BUB1: variants seen among roughly 807,000 people sequenced by gnomAD.
The protein encoded by BUB1 is BUB1 mitotic checkpoint serine/threonine kinase.
In BUB1, 84 loss-of-function variants were observed where a neutral mutation model predicts 135.2. That is an observed-to-expected ratio of 0.62 (90% CI 0.52 to 0.74). BUB1 has a LOEUF of 0.74. Among genes scored for constraint, BUB1 ranks in the 30% least tolerant of loss-of-function variants. The pLI, the probability that BUB1 is intolerant of heterozygous loss-of-function variation, is 0.00. For synonymous variants in BUB1, 403 were observed against 434.4 expected (o/e 0.93, Z 0.90); for missense variants, 1,162 against 1,288.3 (o/e 0.90, Z 1.50).
chr2:110,658,704 G>A lies in BUB1; in HGVS notation c.1315C>T (p.His439Tyr). The change falls in exon 12 of 25, where the codon CAC (histidine) becomes TAC (tyrosine). Residue 439 changes from histidine (H) to tyrosine (Y), a missense_variant. Coordinates refer to ENST00000302759, the MANE Select transcript of BUB1 (RefSeq NM_004336.5). Reference protein sequence around the residue: ...THKVANTSSFHTTPNTSLGMV... With the variant: ...THKVANTSSFYTTPNTSLGMV... The stretch of plus-strand genomic sequence containing the variant: ...CCCAGTGATGTGTTTGGAGTTGTGT[G>A]AAAAGAACTTGTGTTGGCAACCTTA... 1 of 1,614,182 alleles carries A rather than the reference G, an allele frequency of 6.2e-7. No homozygotes were observed. The highest frequency in any genetic ancestry group is 8.5e-7 in the Non-Finnish European group (1 of 1,180,024).
intron 1 of BUB1, chr2:110,676,754 G>T (rs949799493): frequency 6.6e-6 from 1 of 151,976 alleles, no homozygotes; most frequent in African/African-American, 2.4e-5. Flanking sequence ...GTATACAAAC[G>T]TGCAGACATT....
chr2:110,670,097 C>A (rs1469492074), intron 5 of BUB1, among the ~76,000 whole-genome samples: 1 of 141,850 alleles, frequency 7.0e-6, no homozygotes, highest in Non-Finnish European at 1.5e-5. Context: ...CCTGAGAGTG[C>A]AATTTGGTTT....
At position 110,672,776 on chromosome 2, in the gene BUB1, T is replaced by C. The variant is rs376910351; in HGVS notation, c.307A>G (p.Ile103Val). The C allele has an allele frequency of 5.3e-5, 85 of 1,614,106 alleles. No individual in the cohort carries two copies. Among genetic ancestry groups the C allele is most frequent in the South Asian group, 3.6e-4 (33 of 91,060 alleles). Residue 103 changes from isoleucine (I) to valine (V), a missense_variant, in exon 4 of 25, where the codon ATT (isoleucine) becomes GTT (valine). By Grantham distance (29) the Ile-to-Val change is conservative (BLOSUM62 3). Transcript: ENST00000302759. Reference sequence around the variant, plus strand: ...GCTTCCAGATGCCCCGCCCAGGCAATGTACAGAGGGGATGACAGGGTTCCA... The same window carrying C: ...GCTTCCAGATGCCCCGCCCAGGCAACGTACAGAGGGGATGACAGGGTTCCA... ...GIGTLSSPLY[I>V]AWAGHLEAQG...
chr2:110,643,619 T>C (rs1176180468), intron 19 of BUB1, among the ~76,000 whole-genome samples: 3 of 152,150 alleles, frequency 2.0e-5, no homozygotes, highest in African/African-American at 7.2e-5. Flanking sequence ...GCAGAGATTT[T>C]AGAATTATCA....
intron 5 of BUB1, among the ~76,000 whole-genome samples, chr2:110,670,138 T>G (rs1052692818): frequency 1.0e-4 from 15 of 142,940 alleles, no homozygotes; most frequent in African/African-American, 3.4e-4. Context: ...TTTTTTTTTT[T>G]TTTTTTTTTT....
Position 110,664,997 on chromosome 2 carries a change from T to C in BUB1, c.957+1266A>G, listed in dbSNP as rs139500029. ...ATGTGAGTGCACAGTCCGAAGTTTA[T>C]AGAGGGCAGACTGACAGCATTTTAG... On this transcript the variant is annotated intron_variant, in intron 9 of 24. Transcript: ENST00000302759. 1.0e-3 allele frequency among the ~76,000 whole-genome samples: 159 copies of C among 152,268 alleles called. 2 individuals are homozygous for C. Among genetic ancestry groups the C allele is most frequent in the Middle Eastern group, 3.4e-3 (1 of 294 alleles).
chr2:110,638,273 C>G (rs1217992191), intron 24 of BUB1, 114 bp from the exon 25 acceptor site: 2 of 698,262 alleles, frequency 2.9e-6, no homozygotes, highest in East Asian at 5.8e-5. Context: ...ACAACTCTCA[C>G]CTAAACACAA....
In BUB1 at chr2:110,667,546, A is replaced by T. The variant is rs747687467; in HGVS notation, c.780T>A (p.Asn260Lys). The T allele has an allele frequency of 6.2e-7, 1 of 1,613,294 alleles. No individual in the cohort carries two copies. Among genetic ancestry groups the T allele is most frequent in the East Asian group, 2.2e-5 (1 of 44,850 alleles). The change falls in exon 8 of 25, where the codon AAT becomes AAA. Residue 260 changes from asparagine to lysine, a missense_variant. Physicochemically the swap from Asn to Lys is moderately conservative, Grantham distance 94. Coordinates refer to ENST00000302759, the MANE Select transcript of BUB1 (RefSeq NM_004336.5). ...SFEELRAQKYNQRRKHEQWVN... is the reference protein window; with the variant it reads ...SFEELRAQKYKQRRKHEQWVN... ...CCCATTGCTCATGCTTTCTCCGTTG[A>T]TTGTATTTCTGGGCTCTCAATTCTT...
intron 14 of BUB1, 110 bp from the exon 15 acceptor site, chr2:110,657,227 TTA>T (rs1167438915): frequency 2.4e-6 from 2 of 831,672 alleles, no homozygotes. Flanking sequence ...GAGTTAATCT[TTA>T]TATAGATATT....
In BUB1 at chr2:110,650,566, A is replaced by G. The variant is rs768662095; in HGVS notation, c.2183T>C (p.Leu728Pro). The G allele has an allele frequency of 3.1e-6, 5 of 1,613,772 alleles. No homozygotes were observed. Among genetic ancestry groups the G allele is most frequent in the South Asian group, 2.2e-5 (2 of 91,066 alleles). ...CGTACTTGGAGCATCAACAGTCCCA[A>G]GTGAACTCATCTGCATCCATTCTGC... ...LQAEWMQMSS[L>P]GTVDAPNFIV... is the part of the protein sequence containing the mutation. The change falls in exon 18 of 25, where the codon CTT (leucine) becomes CCT (proline). Residue 728 changes from leucine (L) to proline (P), a missense_variant. Physicochemically the swap from Leu to Pro is moderately conservative, Grantham distance 98. Transcript: ENST00000302759.
chr2:110,650,413 A>G, intron 18 of BUB1, 133 bp downstream of exon 18: 3 of 754,938 alleles, frequency 4.0e-6, no homozygotes, highest in East Asian at 2.6e-5. Context: ...GCATTATGCA[A>G]GTTTCATCTG....
chr2:110,645,449 A>G (rs1305313419), intron 19 of BUB1, among the ~76,000 whole-genome samples: 1 of 152,072 alleles, frequency 6.6e-6, no homozygotes, highest in Non-Finnish European at 1.5e-5. Flanking sequence ...CTCAAAAAAA[A>G]AAAAAAGTAA....
At chr2:110,666,237 G>A (rs768326646) in intron 9 of BUB1, 26 bp downstream of exon 9, 1 of 1,327,996 alleles carries the variant, frequency 7.5e-7, no homozygotes, top group East Asian at 2.8e-5. Flanking sequence ...CTGGGCACAG[G>A]ATGTGTCATG....
intron 19 of BUB1, among the ~76,000 whole-genome samples, chr2:110,644,865 T>G (rs1481763872): frequency 6.6e-6 from 1 of 152,144 alleles, no homozygotes; most frequent in Non-Finnish European, 1.5e-5. Flanking sequence ...CAAAAAAGAT[T>G]AGTTGTGATG....
At chr2:110,647,526 G>T (rs561528001) in intron 19 of BUB1, among the ~76,000 whole-genome samples, 1 of 151,434 alleles carries the variant, frequency 6.6e-6, no homozygotes, top group Admixed American at 6.6e-5. Flanking sequence ...AAAGGAGCAC[G>T]ATAAATAAAA....
chr2:110,647,138 T>C (rs947584228), intron 19 of BUB1, among the ~76,000 whole-genome samples: 2 of 152,066 alleles, frequency 1.3e-5, no homozygotes, highest in Non-Finnish European at 1.5e-5. Flanking sequence ...TTCTCAACAA[T>C]CTCTCGCAGA....
chr2:110,644,739 AAG>A (rs1689600159), intron 19 of BUB1, among the ~76,000 whole-genome samples: 1 of 152,188 alleles, frequency 6.6e-6, no homozygotes, highest in Admixed American at 6.5e-5. Context: ...TGCAAGCAAG[AAG>A]AGAGTGGAGT....
chr2:110,666,352 T>C lies in BUB1; in HGVS notation c.868A>G (p.Lys290Glu). The change falls in exon 9 of 25, where the codon AAA (lysine) becomes GAA (glutamate). Residue 290 changes from lysine (K) to glutamate (E), a missense_variant. Physicochemically the swap from Lys to Glu is moderately conservative, Grantham distance 56 (BLOSUM62 1). Coordinates refer to ENST00000302759, the MANE Select transcript of BUB1 (RefSeq NM_004336.5). ...TTATGAAGTTCATCCATTTTCTGTTTTAATAGCTGTTCTTCAAAAGCATTT... is the reference window on the plus strand; with the variant it reads ...TTATGAAGTTCATCCATTTTCTGTTCTAATAGCTGTTCTTCAAAAGCATTT... ...EANAFEEQLL[K>E]QKMDELHKKL... is the part of the protein sequence containing the mutation. 1 of 1,541,698 alleles carries C rather than the reference T, an allele frequency of 6.5e-7. No individual in the cohort carries two copies. Among genetic ancestry groups the C allele is most frequent in the South Asian group, 1.3e-5 (1 of 77,770 alleles).
At chr2:110,658,822 A>G in intron 11 of BUB1, 80 bp from the exon 12 acceptor site, 1 of 1,529,406 alleles carries the variant, frequency 6.5e-7, no homozygotes, top group South Asian at 1.2e-5. Flanking sequence ...TAAGTAAGTT[A>G]CAATTAAAAC....
Sources: allele counts gnomAD v4.1 joint callset (sites outside exome capture counted in the v4.1 genomes callset), GRCh38; gene constraint gnomAD v4.1.1; transcripts MANE v1.5; gene names NCBI Gene and HGNC (gene_info 2026-07-23, HGNC 2026-07-21).